The following PHB1 variants were observed in gnomAD, a reference collection of about 807,000 sequenced individuals.
The protein encoded by PHB1 is prohibitin 1.
the PHB1 span, chr17:49,409,520 A>G: frequency 7.1e-7 from 1 of 1,414,850 alleles, no homozygotes; most frequent in East Asian, 2.4e-5. Flanking sequence ...AAACCACTGT[A>G]GGAAAACAAG....
chr17:49,408,375 T>C, the PHB1 span, among the ~76,000 whole-genome samples: 2 of 152,232 alleles, frequency 1.3e-5, no homozygotes, highest in African/African-American at 4.8e-5. Flanking sequence ...CAAATGGTTT[T>C]TCCCAGAGAA....
the PHB1 span, chr17:49,404,296 C>T: frequency 2.6e-5 from 4 of 152,678 alleles, no homozygotes; most frequent in Admixed American, 1.3e-4. Flanking sequence ...ACAGGACTCA[C>T]ATCTCGGTCC....
At chr17:49,408,448 C>T in the PHB1 span, among the ~76,000 whole-genome samples, 1 of 152,232 alleles carries the variant, frequency 6.6e-6, no homozygotes, top group Non-Finnish European at 1.5e-5. Flanking sequence ...GCCTGCATTG[C>T]TTTCTGAGTT....
the PHB1 span, chr17:49,406,992 T>A: frequency 1.5e-6 from 1 of 673,976 alleles, no homozygotes; most frequent in Non-Finnish European, 2.7e-6. Context: ...AGAACACTCT[T>A]CCACCTCCGT....
chr17:49,410,489 A>C, the PHB1 span, among the ~76,000 whole-genome samples: 67 of 152,230 alleles, frequency 4.4e-4, no homozygotes, highest in Non-Finnish European at 5.6e-4. Flanking sequence ...TCAGATATAC[A>C]TAATTCAGAT....
the PHB1 span, among the ~76,000 whole-genome samples, chr17:49,411,346 A>AG: frequency 6.6e-6 from 1 of 151,018 alleles, no homozygotes; most frequent in African/African-American, 2.4e-5. Flanking sequence ...GATTACAGGC[A>AG]CCCCCCACCA....
At chr17:49,411,022 A>G in the PHB1 span, among the ~76,000 whole-genome samples, 42 of 152,284 alleles carry the variant, frequency 2.8e-4, no homozygotes, top group South Asian at 8.7e-3. Flanking sequence ...CCAAGCGCCC[A>G]TGAGACAGCC....
chr17:49,413,348 C>G, the PHB1 span: 1 of 919,784 alleles, frequency 1.1e-6, no homozygotes, highest in Non-Finnish European at 1.7e-6. Flanking sequence ...CAGAGAAGGC[C>G]CTCTCTGACA....
the PHB1 span, chr17:49,413,359 C>G: frequency 2.5e-6 from 2 of 815,222 alleles, no homozygotes; most frequent in Admixed American, 2.0e-5. Context: ...CTCTCTGACA[C>G]ACAACAGTCA....
At chr17:49,405,605 G>T in the PHB1 span, among the ~76,000 whole-genome samples, 4 of 152,114 alleles carry the variant, frequency 2.6e-5, no homozygotes, top group Non-Finnish European at 4.4e-5. Context: ...TAAGTCTAAA[G>T]GACTTCATCA....
the PHB1 span, chr17:49,409,361 G>A: frequency 1.9e-6 from 3 of 1,614,144 alleles, no homozygotes; most frequent in Non-Finnish European, 2.5e-6. Flanking sequence ...CAGTTGTGAT[G>A]GACGGCAGCA....
chr17:49,413,323 T>G, the PHB1 span: 2 of 1,254,658 alleles, frequency 1.6e-6, no homozygotes, highest in Non-Finnish European at 2.3e-6. Flanking sequence ...ACAATCAAAC[T>G]TGATGCCAAA....
the PHB1 span, chr17:49,408,912 T>G: frequency 3.0e-6 from 2 of 670,876 alleles, no homozygotes; most frequent in South Asian, 3.9e-5. Context: ...TCAGCATGTT[T>G]CCGTGTTTTC....
chr17:49,411,689 G>C, the PHB1 span: 21 of 1,613,928 alleles, frequency 1.3e-5, no homozygotes, highest in Non-Finnish European at 1.7e-5. Flanking sequence ...TTTGCTACCA[G>C]TGATGACTGG....
At chr17:49,409,177 G>T in the PHB1 span, 8 of 1,592,988 alleles carry the variant, frequency 5.0e-6, no homozygotes, top group Non-Finnish European at 6.9e-6. Flanking sequence ...AAAGGGAGGA[G>T]CAGAAGGGCA....
At chr17:49,409,573 C>A in the PHB1 span, 1 of 956,078 alleles carries the variant, frequency 1.0e-6, no homozygotes, top group Non-Finnish European at 1.5e-6. Flanking sequence ...CAGGTTTTTG[C>A]TCTTGTTGCC....
chr17:49,406,735 C>T, the PHB1 span: 4 of 1,551,924 alleles, frequency 2.6e-6, no homozygotes, highest in Non-Finnish European at 2.7e-6. Context: ...GAGAGAGGCT[C>T]CTGCCATCTG....
the PHB1 span, chr17:49,409,239 C>T: frequency 2.5e-6 from 4 of 1,581,800 alleles, no homozygotes; most frequent in Non-Finnish European, 3.5e-6. Flanking sequence ...GCAGCCACAT[C>T]CCAACCAACC....
chr17:49,404,181 G>A, the PHB1 span: 24,883 of 152,716 alleles, frequency 0.16, 2,146 homozygotes, highest in South Asian at 0.23. Flanking sequence ...GGTCGGACAC[G>A]TCTTTGGCAG....
Sources: gnomAD v4.1 joint callset for allele counts (sites outside exome capture counted in the v4.1 genomes callset) on GRCh38, gnomAD v4.1.1 for gene constraint, MANE v1.5 for transcripts, NCBI Gene and HGNC (gene_info 2026-07-23, HGNC 2026-07-21) for gene names.